The following HMCN2 variants were observed in gnomAD, a reference collection of about 807,000 sequenced individuals.
The protein encoded by HMCN2 is hemicentin 2.
HMCN2 carries 325 observed loss-of-function variants against 377.5 expected under a neutral mutation model. The observed-to-expected ratio is 0.86, with a 90% CI of 0.79 to 0.94. The LOEUF (loss-of-function observed/expected upper bound fraction) is 0.94, where lower values mean the gene tolerates loss of function less well. Among genes scored for constraint, HMCN2 ranks in the 40% least tolerant of loss-of-function variants. HMCN2 has a pLI of 0.00. For missense variants in HMCN2, 4,543 were observed against 4,725.3 expected (o/e 0.96, Z 1.13); for synonymous variants, 2,007 against 2,046.8 (o/e 0.98, Z 0.53).
At chr9:130,340,642 C>T (rs1838995293) in intron 23 of HMCN2, among the ~76,000 whole-genome samples, 1 of 152,078 alleles carries the variant, frequency 6.6e-6, no homozygotes, top group Non-Finnish European at 1.5e-5. Context: ...GCTTCAGCCT[C>T]CGAGTAGTTG....
At chr9:130,398,008 C>T (rs1842687493) in intron 74 of HMCN2, among the ~76,000 whole-genome samples, 1 of 151,420 alleles carries the variant, frequency 6.6e-6, no homozygotes, top group Non-Finnish European at 1.5e-5. Flanking sequence ...TTTAAATTAG[C>T]CAAGCATGGT....
Position 130,364,722 on chromosome 9 carries a change from A to C in HMCN2, c.6241A>C (p.Ser2081Arg), listed in dbSNP as rs1840598904. Residue 2081 changes from serine to arginine, a missense_variant, in exon 41 of 98, where the codon AGT (serine) becomes CGT (arginine). Physicochemically the swap from Ser to Arg is moderately radical, Grantham distance 110. Around this residue, in one of 5 missense-constraint regions of HMCN2, gnomAD observed 1,032 missense variants for 1,285.1 expected, o/e 0.80. Coordinates refer to ENST00000683500, the MANE Select transcript of HMCN2 (RefSeq NM_001291815.2). ...CCTGCCCCCTCCTGCAGTGCCCCCG[A>C]GTATCCTTGGAGAAGAGCTGAATGT... ...DVVLQVHMPP[S>R]ILGEELNVSV... 2.0e-6 allele frequency: 2 copies of C among 985,902 alleles called. No homozygotes were observed. The highest frequency in any genetic ancestry group is 2.4e-6 in the Non-Finnish European group (2 of 830,086). 61.1% of individuals were successfully genotyped at this position (985,902 alleles called of 1,614,324 possible).
Position 130,376,677 on chromosome 9 carries a change from G to A in HMCN2, c.8061+19G>A. On this transcript the variant is annotated intron_variant, in intron 52 of 97. Transcript: ENST00000683500. The stretch of plus-strand genomic sequence containing the variant: ...TGGACAGGTGAGTTTGGGACCCCCT[G>A]CGCAGCTTCTGGCTCTCACCTCTGC... 2.0e-6 allele frequency: 2 copies of A among 985,854 alleles called. No individual in the cohort carries two copies. The highest frequency in any genetic ancestry group is 2.4e-6 in the Non-Finnish European group (2 of 830,022). 61.1% of individuals were successfully genotyped at this position (985,854 alleles called of 1,614,324 possible). A position where few individuals can be genotyped will look rare whatever the true frequency, so the allele number is the denominator to read the frequency against.
rs575973461 is a variant in HMCN2 at position 130,394,002 on chromosome 9, G to A, written c.10495G>A (p.Val3499Ile). The change falls in exon 68 of 98, where the codon GTC becomes ATC. Residue 3499 changes from valine to isoleucine, a missense_variant. By Grantham distance (29) the Val-to-Ile change is conservative (BLOSUM62 3). Around this residue, in one of 5 missense-constraint regions of HMCN2, gnomAD observed 1,073 missense variants for 1,319.5 expected, o/e 0.81. Coordinates refer to ENST00000683500, the MANE Select transcript of HMCN2 (RefSeq NM_001291815.2). This position sits in a 1 kb window ranked among gnomAD's most constrained non-coding sequence, Gnocchi z 5.1. ...AGCCAGGAGGCATTTCCAGCTGACC[G>A]TCATGGGTGGGTCCTCTGGCCTCTG... ...GEARRHFQLT[V>I]MEPPHIEDSG... 1,618 of 1,258,908 alleles carry A rather than the reference G, an allele frequency of 1.3e-3. 2 individuals are homozygous for A. The highest frequency in any genetic ancestry group is 1.5e-3 in the Non-Finnish European group (1,450 of 974,750). 78.0% of individuals were successfully genotyped at this position (1,258,908 alleles called of 1,614,324 possible). A position where few individuals can be genotyped will look rare whatever the true frequency, so the allele number is the denominator to read the frequency against.
rs866899810 is a variant in HMCN2 at position 130,400,573 on chromosome 9, T to C, written c.11606-210T>C. The C allele has an allele frequency of 3.6e-4, 87 of 240,556 alleles. 1 individual carries two copies. In the Middle Eastern group the frequency reaches 5.9e-3, roughly 16 times the overall value. The allele number at this position is 240,556 out of a possible 1,614,324, so 14.9% of individuals were successfully genotyped here. A position where few individuals can be genotyped will look rare whatever the true frequency, so the allele number is the denominator to read the frequency against. ...TACTGAGACCCCATCTCTGAAAAAA[T>C]ACACTTTTTTTTTTAAAGAAAAAAA... On this transcript the variant is annotated intron_variant, in intron 76 of 97. Coordinates refer to ENST00000683500, the MANE Select transcript of HMCN2 (RefSeq NM_001291815.2).
rs1841976819 is a variant in HMCN2, at chr9:130,385,560, T to A, written c.9107T>A (p.Val3036Asp). The change falls in exon 60 of 98, where the codon GTT becomes GAT. Residue 3036 changes from valine to aspartate, a missense_variant and splice_region_variant. Coordinates refer to ENST00000683500, the MANE Select transcript of HMCN2 (RefSeq NM_001291815.2). The stretch of plus-strand genomic sequence containing the variant: ...TCACTCTGCTATCTCCTGCCCCCAG[T>A]TCCCCCGGCCTTCAGGCAGGCTCCC... ...DQKLVQLSVL[V>D]PPAFRQAPRG... The A allele has an allele frequency of 7.7e-6, 10 of 1,303,710 alleles. No individual in the cohort carries two copies. Among genetic ancestry groups the A allele is most frequent in the Non-Finnish European group, 9.1e-6 (9 of 988,536 alleles). 80.8% of individuals were successfully genotyped at this position (1,303,710 alleles called of 1,614,324 possible). A position where few individuals can be genotyped will look rare whatever the true frequency, so the allele number is the denominator to read the frequency against.
chr9:130,387,657 C>T (rs922336184), intron 61 of HMCN2, among the ~76,000 whole-genome samples: 1 of 152,216 alleles, frequency 6.6e-6, no homozygotes, highest in Non-Finnish European at 1.5e-5. Flanking sequence ...CTCTGCTATG[C>T]ACAGTGGGAA....
chr9:130,373,707 A>AGATGGGTGGATG (rs1841198873), intron 48 of HMCN2, among the ~76,000 whole-genome samples: 1 of 115,354 alleles, frequency 8.7e-6, no homozygotes, highest in Non-Finnish European at 1.9e-5. Context: ...ATGGATAGGT[A>AGATGGGTGGATG]GATGGATGGA....
Position 130,391,322 on chromosome 9 carries a change from G to A in HMCN2, c.9786G>A (p.Lys3262=), listed in dbSNP as rs1377372854. The change falls in exon 64 of 98, where the codon AAG becomes AAA. Residue 3262 remains lysine (K), a synonymous_variant. Transcript: ENST00000683500. ...GQPPPDVAWL[K]DGSPLGQDMG... is the part of the protein sequence containing the mutation. Reference sequence around the variant, plus strand: ...CGCCGCCGGACGTGGCCTGGCTGAAGGACGGCAGCCCGCTGGGCCAGGACA... The same window carrying A: ...CGCCGCCGGACGTGGCCTGGCTGAAAGACGGCAGCCCGCTGGGCCAGGACA... 6.1e-6 allele frequency: 6 copies of A among 987,562 alleles called. No individual in the cohort carries two copies. The highest frequency in any genetic ancestry group is 7.2e-6 in the Non-Finnish European group (6 of 830,156). The allele number at this position is 987,562 out of a possible 1,614,324, so 61.2% of individuals were successfully genotyped here.
chr9:130,273,703 G>A (rs565199718), intron 1 of HMCN2, among the ~76,000 whole-genome samples: 4 of 152,240 alleles, frequency 2.6e-5, no homozygotes, highest in African/African-American at 9.6e-5. Context: ...TCACCATGTT[G>A]GCCAGGCTGG....
At chr9:130,285,463 T>C in intron 3 of HMCN2, 147 bp downstream of exon 3, 1 of 366,782 alleles carries the variant, frequency 2.7e-6, no homozygotes, top group East Asian at 7.3e-5. Context: ...CTGCCATGCA[T>C]GGCCAGAGCC....
intron 22 of HMCN2, among the ~76,000 whole-genome samples, chr9:130,334,100 T>A (rs2131447117): frequency 6.6e-6 from 1 of 152,144 alleles, no homozygotes; most frequent in East Asian, 1.9e-4. Context: ...ATGAATCAAG[T>A]ATCATCCAGG....
chr9:130,425,813 C>T lies in HMCN2; in HGVS notation c.13768C>T (p.Arg4590Trp), dbSNP rs531676404. The T allele has an allele frequency of 3.1e-4, 481 of 1,550,544 alleles. 7 individuals carry two copies. The South Asian group carries it at 5.2e-3, about 17-fold the overall frequency. The change falls in exon 90 of 98, where the codon CGG (arginine) becomes TGG (tryptophan). Residue 4590 changes from arginine (R) to tryptophan (W), a missense_variant. Physicochemically the swap from Arg to Trp is moderately radical, Grantham distance 101. Transcript: ENST00000683500. ...CCACAGCATCCAGTACAACGCGGCCCGGGGCCCCCAGCCCCAGCTGGTGCA... is the reference window on the plus strand; with the variant it reads ...CCACAGCATCCAGTACAACGCGGCCTGGGGCCCCCAGCCCCAGCTGGTGCA... ...CNHSIQYNAARGPQPQLVQHL... is the reference protein window; with the variant it reads ...CNHSIQYNAAWGPQPQLVQHL...
At chr9:130,287,415 C>T (rs1835474256) in intron 4 of HMCN2, among the ~76,000 whole-genome samples, 1 of 152,100 alleles carries the variant, frequency 6.6e-6, no homozygotes, top group Admixed American at 6.6e-5. Flanking sequence ...CTTAAGCGCA[C>T]CTCCTCATGG....
At position 130,303,207 on chromosome 9, in the gene HMCN2, G is replaced by A. The variant is rs1180730765; in HGVS notation, c.1421+206G>A. Among the ~76,000 whole-genome samples, 1 of 152,232 alleles carries A rather than the reference G, an allele frequency of 6.6e-6. No individual in the cohort carries two copies. The highest frequency in any genetic ancestry group is 1.5e-5 in the Non-Finnish European group (1 of 68,046). On this transcript the variant is annotated intron_variant, in intron 9 of 97. Coordinates refer to ENST00000683500, the MANE Select transcript of HMCN2 (RefSeq NM_001291815.2). This position sits in a 1 kb window ranked among gnomAD's most constrained non-coding sequence, Gnocchi z 5.2. Reference sequence around the variant, plus strand: ...TCCCACCACTGCTGGGCCATCAGCTGGTGAAGGAGCCGGGGGCCTTCCTCA... The same window carrying A: ...TCCCACCACTGCTGGGCCATCAGCTAGTGAAGGAGCCGGGGGCCTTCCTCA...
chr9:130,428,424 G>A lies in HMCN2; in HGVS notation c.14132G>A (p.Gly4711Glu). 6.5e-7 allele frequency: 1 copy of A among 1,547,146 alleles called. No homozygotes were observed. The highest frequency in any genetic ancestry group is 1.2e-5 in the South Asian group (1 of 84,058). The part of the protein sequence containing the change: ...REGQRCVNLL[G>E]SYRCLPDCGP... ...GGACAGCGCTGTGTGAACCTGCTCG[G>A]GTCCTACCGCTGCCTCCCCGACTGT... The change falls in exon 93 of 98, where the codon GGG (glycine) becomes GAG (glutamate). Residue 4711 changes from glycine to glutamate, a missense_variant. Physicochemically the swap from Gly to Glu is moderately conservative, Grantham distance 98. Coordinates refer to ENST00000683500, the MANE Select transcript of HMCN2 (RefSeq NM_001291815.2). This position sits in a 1 kb window ranked among gnomAD's most constrained non-coding sequence, Gnocchi z 5.0.
intron 95 of HMCN2, 123 bp downstream of exon 95, chr9:130,430,727 G>C: frequency 1.1e-6 from 1 of 894,230 alleles, no homozygotes; most frequent in Non-Finnish European, 1.7e-6. Context: ...AGTGGGGTGA[G>C]TGGTGTGGTG....
intron 4 of HMCN2, among the ~76,000 whole-genome samples, chr9:130,294,230 G>A (rs1835980548): frequency 6.6e-6 from 1 of 152,160 alleles, no homozygotes; most frequent in Non-Finnish European, 1.5e-5. Context: ...CAGGCAAAGG[G>A]TCCTTACCTT....
intron 22 of HMCN2, among the ~76,000 whole-genome samples, chr9:130,328,790 T>G (rs907483850): frequency 0.012 from 1,806 of 152,280 alleles, 33 homozygotes; most frequent in African/African-American, 0.041. Flanking sequence ...AAGTGGACAT[T>G]ATTTAAATAG....
Sources: gnomAD v4.1 joint callset for allele counts (sites outside exome capture counted in the v4.1 genomes callset) on GRCh38, gnomAD v4.1.1 for gene constraint, gnomAD v4.1.1 regional missense constraint, Gnocchi (gnomAD v3.1) non-coding constraint, MANE v1.5 for transcripts, NCBI Gene and HGNC (gene_info 2026-07-23, HGNC 2026-07-21) for gene names.